The following EXOC2 variants were observed in gnomAD, a reference collection of about 807,000 sequenced individuals.
EXOC2 encodes the protein SEC5-like 1.
EXOC2 carries 70 observed loss-of-function variants against 131.8 expected under a neutral mutation model. The observed-to-expected ratio is 0.53, with a 90% CI of 0.44 to 0.65. EXOC2 has a LOEUF of 0.65. Ranked by LOEUF, EXOC2 falls within the 30% of genes least tolerant of loss-of-function variation. EXOC2 has a pLI of 0.00. For synonymous variants in EXOC2, 411 were observed against 398.4 expected (o/e 1.03, Z -0.38); for missense variants, 923 against 1,108.6 (o/e 0.83, Z 2.38).
At chr6:504,867 C>T (rs1764438520) in intron 23 of EXOC2, among the ~76,000 whole-genome samples, 1 of 152,180 alleles carries the variant, frequency 6.6e-6, no homozygotes, top group Non-Finnish European at 1.5e-5. Context: ...AGAGAGCTTA[C>T]AGGTCAGTGG....
At chr6:597,873 CA>C in intron 10 of EXOC2, 147 bp downstream of exon 10, 1 of 587,140 alleles carries the variant, frequency 1.7e-6, no homozygotes, top group East Asian at 2.9e-5. Context: ...TGTCCTACGC[CA>C]GATAACCCTA....
chr6:603,918 C>T (rs1217006483), intron 7 of EXOC2, among the ~76,000 whole-genome samples: 1 of 152,226 alleles, frequency 6.6e-6, no homozygotes, highest in Non-Finnish European at 1.5e-5. Context: ...AATATTTTCA[C>T]TGGACATACA....
chr6:628,872 G>A (rs933029148), intron 4 of EXOC2, among the ~76,000 whole-genome samples: 3 of 152,220 alleles, frequency 2.0e-5, no homozygotes, highest in African/African-American at 4.8e-5. Context: ...TCCTTAAACG[G>A]CTCTAGAATG....
At chr6:573,906 AGTATAAAT>A (rs1486570834) in intron 12 of EXOC2, among the ~76,000 whole-genome samples, 1 of 152,154 alleles carries the variant, frequency 6.6e-6, no homozygotes, top group African/African-American at 2.4e-5. Flanking sequence ...TACACAAGCA[AGTATAAAT>A]GTGTTTTTCT....
chr6:591,067 T>C (rs1035176174), intron 11 of EXOC2, among the ~76,000 whole-genome samples: 6 of 152,320 alleles, frequency 3.9e-5, no homozygotes, highest in Admixed American at 1.3e-4. Flanking sequence ...TTGTCCATCA[T>C]CCAGCCCTAT....
chr6:616,120 T>C (rs969497534), intron 6 of EXOC2, among the ~76,000 whole-genome samples: 1 of 152,206 alleles, frequency 6.6e-6, no homozygotes, highest in African/African-American at 2.4e-5. Context: ...ATTCCTAGTC[T>C]ACATAGTCCA....
chr6:641,955 T>G (rs1167944536), intron 1 of EXOC2, among the ~76,000 whole-genome samples: 1 of 152,170 alleles, frequency 6.6e-6, no homozygotes, highest in Non-Finnish European at 1.5e-5. Context: ...ATCCACTGTT[T>G]TGTGGTCTGC....
intron 1 of EXOC2, among the ~76,000 whole-genome samples, chr6:640,673 C>T (rs567944685): frequency 1.3e-5 from 2 of 152,240 alleles, no homozygotes; most frequent in African/African-American, 4.8e-5. Context: ...GAAGGACATA[C>T]GAAGACTCAT....
At chr6:500,399 G>A (rs1419411266) in intron 23 of EXOC2, among the ~76,000 whole-genome samples, 1 of 152,218 alleles carries the variant, frequency 6.6e-6, no homozygotes, top group Non-Finnish European at 1.5e-5. Flanking sequence ...ATTTAAGAAT[G>A]TGGGGTCTGA....
intron 23 of EXOC2, among the ~76,000 whole-genome samples, chr6:505,548 G>T (rs1034356636): frequency 1.6e-4 from 24 of 152,340 alleles, no homozygotes; most frequent in African/African-American, 5.8e-4. Context: ...GCATCCGCCA[G>T]ACAGCAGGCA....
intron 23 of EXOC2, among the ~76,000 whole-genome samples, chr6:530,010 C>G (rs1207971743): frequency 6.6e-6 from 1 of 152,220 alleles, no homozygotes; most frequent in Non-Finnish European, 1.5e-5. Flanking sequence ...ATACACTTGA[C>G]AGTCGCATTT....
intron 25 of EXOC2, among the ~76,000 whole-genome samples, chr6:493,585 C>T (rs752592411): frequency 6.6e-6 from 1 of 152,162 alleles, no homozygotes; most frequent in Admixed American, 6.5e-5. Flanking sequence ...GCTAAAAGAT[C>T]TGCCAAAATC....
intron 26 of EXOC2, among the ~76,000 whole-genome samples, chr6:489,241 G>C (rs1221620775): frequency 2.0e-5 from 3 of 152,146 alleles, no homozygotes; most frequent in Non-Finnish European, 2.9e-5. Context: ...GTAGCAACGG[G>C]GTCAGAAAAA....
intron 1 of EXOC2, among the ~76,000 whole-genome samples, chr6:648,714 C>CTTTTTTTTTTTTTTTTTT (rs1762690954): frequency 8.7e-6 from 1 of 115,542 alleles, no homozygotes; most frequent in African/African-American, 3.3e-5. Context: ...CTTTTAAAAA[C>CTTTTTTTTTTTTTTTTTT]TCTTTTTTTT....
chr6:692,139 A>G (rs1398333872), intron 1 of EXOC2, among the ~76,000 whole-genome samples: 1 of 151,416 alleles, frequency 6.6e-6, no homozygotes, highest in Non-Finnish European at 1.5e-5. Context: ...AGATTTAATT[A>G]AAGTGTGGCT....
chr6:627,381 T>C (rs1452399932), intron 4 of EXOC2, among the ~76,000 whole-genome samples: 1 of 152,234 alleles, frequency 6.6e-6, no homozygotes, highest in Middle Eastern at 3.2e-3. Flanking sequence ...CTAGCCTCTC[T>C]TTCTTTTGAA....
At chr6:624,411 C>T (rs1174213476) in intron 4 of EXOC2, among the ~76,000 whole-genome samples, 3 of 152,166 alleles carry the variant, frequency 2.0e-5, no homozygotes, top group African/African-American at 7.2e-5. Context: ...GTAGATAATG[C>T]TTGTGGAAGC....
At chr6:604,292 A>C (rs1012810431) in intron 7 of EXOC2, among the ~76,000 whole-genome samples, 1 of 152,064 alleles carries the variant, frequency 6.6e-6, no homozygotes, top group South Asian at 2.1e-4. Context: ...TCCCTATGTA[A>C]CATGTCAAAC....
intron 25 of EXOC2, among the ~76,000 whole-genome samples, chr6:496,438 C>G (rs548887339): frequency 2.1e-4 from 32 of 152,182 alleles, no homozygotes; most frequent in Non-Finnish European, 4.3e-4. Flanking sequence ...TACTTCAGTT[C>G]TTCTAGCCTT....
Sources: gnomAD v4.1 joint callset for allele counts (sites outside exome capture counted in the v4.1 genomes callset) on GRCh38, gnomAD v4.1.1 for gene constraint, MANE v1.5 for transcripts, NCBI Gene and HGNC (gene_info 2026-07-23, HGNC 2026-07-21) for gene names.